Variants in TSNARE1 observed in about 807,000 individuals in gnomAD.
The protein encoded by TSNARE1 is t-SNARE domain containing 1.
TSNARE1 carries 49 observed loss-of-function variants against 62.0 expected under a neutral mutation model. The ratio of observed to expected loss-of-function variants is 0.79; its 90% confidence interval spans 0.63 to 1.00. The LOEUF (loss-of-function observed/expected upper bound fraction) is 1.00. Among genes scored for constraint, TSNARE1 ranks in the 50% least tolerant of loss-of-function variants. The pLI, the probability that TSNARE1 is intolerant of heterozygous loss-of-function variation, is 0.00. For missense variants in TSNARE1, 755 were observed against 700.1 expected, an observed-to-expected ratio of 1.08 and a Z score of -0.88; for synonymous variants, 328 against 294.4, an observed-to-expected ratio of 1.11 and a Z score of -1.17.
At chr8:142,314,004 CCT>C (rs1254949834) in intron 9 of TSNARE1, among the ~76,000 whole-genome samples, 1 of 152,188 alleles carries the variant, frequency 6.6e-6, no homozygotes, top group Non-Finnish European at 1.5e-5. Context: ...ATCTTGAACC[CCT>C]GACCTCAGGT....
intron 1 of TSNARE1, among the ~76,000 whole-genome samples, chr8:142,398,452 C>A (rs1034825294): frequency 2.0e-5 from 3 of 152,106 alleles, no homozygotes; most frequent in African/African-American, 7.2e-5. Flanking sequence ...AGCACAACCC[C>A]AGCAGAGTCA....
intron 12 of TSNARE1, among the ~76,000 whole-genome samples, chr8:142,238,039 A>G (rs946245808): frequency 2.0e-5 from 3 of 151,564 alleles, no homozygotes; most frequent in Admixed American, 6.6e-5. Context: ...CGGCTCCCTC[A>G]CCCGACCCAG....
chr8:142,370,159 G>T (rs1408299566), intron 1 of TSNARE1, among the ~76,000 whole-genome samples: 3 of 152,214 alleles, frequency 2.0e-5, no homozygotes, highest in Non-Finnish European at 4.4e-5. Flanking sequence ...AAATCTGCTG[G>T]CACCTTGATC....
At chr8:142,258,508 G>A (rs1818704518) in intron 12 of TSNARE1, among the ~76,000 whole-genome samples, 1 of 128,588 alleles carries the variant, frequency 7.8e-6, no homozygotes, top group Non-Finnish European at 1.6e-5. Flanking sequence ...TTGAGACAGT[G>A]TCTCACTCTG....
intron 12 of TSNARE1, among the ~76,000 whole-genome samples, chr8:142,258,038 T>C (rs7465202): frequency 0.52 from 78,583 of 152,028 alleles, 21,134 homozygotes; most frequent in African/African-American, 0.65. Flanking sequence ...CATGCACACA[T>C]GCACTTGTGC....
Position 142,319,726 on chromosome 8 carries a change from G to A in TSNARE1, c.894-1092C>T, listed in dbSNP as rs1328782560. ...CACTGCAGGCCAAGCCTACAGGAGC[G>A]GGGCCCACCTCCTGATACCCACCCT... is the stretch of plus-strand genomic sequence containing the variant. On this transcript the variant is annotated intron_variant, in intron 6 of 13. Coordinates refer to ENST00000524325, the MANE Select transcript of TSNARE1 (RefSeq NM_145003.5). The surrounding 1 kb of genome is among the most constrained non-coding windows in gnomAD (Gnocchi z 4.9). 6.6e-6 allele frequency among the ~76,000 whole-genome samples: 1 copy of A among 152,250 alleles called. No individual in the cohort carries two copies. Among genetic ancestry groups the A allele is most frequent in the African/African-American group, 2.4e-5 (1 of 41,564 alleles).
intron 13 of TSNARE1, among the ~76,000 whole-genome samples, chr8:142,218,906 T>G (rs1816075202): frequency 6.6e-6 from 1 of 152,224 alleles, no homozygotes. Flanking sequence ...TTGCAATTAC[T>G]GAAAAGCACC....
chr8:142,294,367 C>T (rs10156324), intron 10 of TSNARE1, among the ~76,000 whole-genome samples: 11 of 152,352 alleles, frequency 7.2e-5, no homozygotes, highest in Admixed American at 2.6e-4. Flanking sequence ...CCCTCACCCA[C>T]AGCATCACTC....
At chr8:142,406,650 G>C (rs1180709490), upstream of TSNARE1, 1 of 152,292 alleles carries the variant, frequency 6.6e-6, no homozygotes, top group Non-Finnish European at 1.5e-5. Flanking sequence ...GTGATGCTCA[G>C]CCTGAGGCAC....
intron 12 of TSNARE1, among the ~76,000 whole-genome samples, chr8:142,255,722 TCACCACCAC>T (rs1192127096): frequency 8.7e-5 from 1 of 11,506 alleles, no homozygotes; most frequent in Non-Finnish European, 2.2e-4. Context: ...ATCATCACCA[TCACCACCAC>T]CACCACCACT....
At chr8:142,340,718 C>T (rs1832466381) in intron 4 of TSNARE1, among the ~76,000 whole-genome samples, 1 of 152,228 alleles carries the variant, frequency 6.6e-6, no homozygotes, top group South Asian at 2.1e-4. Context: ...CATCCCCTCT[C>T]GACCTCAGCC....
At position 142,325,873 on chromosome 8, in the gene TSNARE1, G is replaced by T. The variant is rs1442160338; in HGVS notation, c.893+5028C>A. Among the ~76,000 whole-genome samples, 3 of 144,350 alleles carry T rather than the reference G, an allele frequency of 2.1e-5. No individual in the cohort carries two copies. The East Asian group carries it at 6.6e-4, about 32-fold the overall frequency. 94.7% of individuals were successfully genotyped at this position (144,350 alleles called of 152,430 possible). ...GAACCAGCACCAGTGAAGGGGAGGG[G>T]CCCCAGAGAGCACGAGACGGATGAC... is the stretch of plus-strand genomic sequence containing the variant. On this transcript the variant is annotated intron_variant, in intron 6 of 13. Transcript: ENST00000524325.
chr8:142,243,845 T>C (rs970437971), intron 12 of TSNARE1, among the ~76,000 whole-genome samples: 1 of 152,262 alleles, frequency 6.6e-6, no homozygotes, highest in Admixed American at 6.5e-5. Flanking sequence ...CAAAACATTA[T>C]ATTGTATACC....
rs1819155082 is a variant in TSNARE1, at chr8:142,266,766, T to C, written c.1446+8015A>G. Among the ~76,000 whole-genome samples, 4 of 152,238 alleles carry C rather than the reference T, an allele frequency of 2.6e-5. No individual in the cohort carries two copies. The South Asian group carries it at 8.3e-4, about 32-fold the overall frequency. ...TCACATCAACGACCTCTTCACACAC[T>C]GCTTTCCTCCATTTCACTGATCCTC... On this transcript the variant is annotated intron_variant, in intron 12 of 13. Transcript: ENST00000524325.
chr8:142,314,031 G>A (rs954960541), intron 9 of TSNARE1, among the ~76,000 whole-genome samples: 4 of 152,156 alleles, frequency 2.6e-5, no homozygotes, highest in East Asian at 1.9e-4. Context: ...CGCCCACCTC[G>A]GCCTCCCACA....
chr8:142,391,503 GCAGCTCTT>G (rs995194530), intron 1 of TSNARE1, among the ~76,000 whole-genome samples: 21 of 152,208 alleles, frequency 1.4e-4, no homozygotes, highest in Non-Finnish European at 2.6e-4. Context: ...AGGAAGAGCT[GCAGCTCTT>G]CAGCTCTTCA....
intron 12 of TSNARE1, chr8:142,269,483 A>G: frequency 1.0e-6 from 1 of 985,376 alleles, no homozygotes; most frequent in Non-Finnish European, 1.2e-6. Flanking sequence ...CGTGCTGGGT[A>G]TCTTTATTTA....
chr8:142,344,607 T>C, intron 3 of TSNARE1, 135 bp from the exon 4 acceptor site: 2 of 943,986 alleles, frequency 2.1e-6, no homozygotes, highest in African/African-American at 1.7e-5. Flanking sequence ...CCACCACCCC[T>C]CCCTGCTGGG....
At chr8:142,283,222 ATCAGTGTCTGCCAATGAGCAGAGGCGGGG>A (rs1563824356) in intron 11 of TSNARE1, among the ~76,000 whole-genome samples, 74 of 91,550 alleles carry the variant, frequency 8.1e-4, no homozygotes, top group African/African-American at 2.5e-3. Flanking sequence ...CAAAAGCGGG[ATCAGTGTCTGCCAATGAGCAGAGGCGGGG>A]TCAGTGTCTG....
Sources: gnomAD v4.1 joint callset for allele counts (sites outside exome capture counted in the v4.1 genomes callset) on GRCh38, gnomAD v4.1.1 for gene constraint, Gnocchi (gnomAD v3.1) non-coding constraint, MANE v1.5 for transcripts, NCBI Gene and HGNC (gene_info 2026-07-23, HGNC 2026-07-21) for gene names.